The following CSGALNACT1 variants were observed in gnomAD, a reference collection of about 807,000 sequenced individuals.
CSGALNACT1 encodes beta4GalNAcT-1.
Under a neutral mutation model 51.0 loss-of-function variants are expected in CSGALNACT1, and 52 were observed. The ratio of observed to expected loss-of-function variants is 1.02; its 90% CI spans 0.82 to 1.29. CSGALNACT1 has a LOEUF of 1.29. CSGALNACT1 is among the 50% of genes most tolerant of loss of function. The pLI, the probability that CSGALNACT1 is intolerant of heterozygous loss-of-function variation, is 0.00. For missense variants in CSGALNACT1, 935 were observed against 679.2 expected, an observed-to-expected ratio of 1.38 and a Z score of -4.19; for synonymous variants, 341 against 254.4, an observed-to-expected ratio of 1.34 and a Z score of -3.24.
At chr8:19,553,564 T>C (rs1015819497) in intron 3 of CSGALNACT1, among the ~76,000 whole-genome samples, 10 of 148,724 alleles carry the variant, frequency 6.7e-5, no homozygotes, top group Non-Finnish European at 1.2e-4. Context: ...AAACCATTTA[T>C]ATACAAAAAG....
At chr8:19,461,214 G>A (rs1019662380) in intron 4 of CSGALNACT1, among the ~76,000 whole-genome samples, 2 of 152,226 alleles carry the variant, frequency 1.3e-5, no homozygotes, top group African/African-American at 4.8e-5. Flanking sequence ...TCATTTCTTA[G>A]AAAGCTCAAA....
rs188767974 is a variant in CSGALNACT1 at position 19,650,662 on chromosome 8, C to A, written c.-544+31811G>T. 3.3e-5 allele frequency among the ~76,000 whole-genome samples: 5 copies of A among 152,222 alleles called. 1 individual carries two copies. The highest frequency in any genetic ancestry group is 3.3e-4 in the Admixed American group (5 of 15,276). ...GCACAGTGGGGACGCTCCCAGGAGA[C>A]CAGCCATAGCAGACAGTGTGTGTGA... On this transcript the variant is annotated intron_variant, in intron 1 of 9. Coordinates refer to the CSGALNACT1 transcript ENST00000332246.
chr8:19,648,322 A>G (rs2057461111), intron 1 of CSGALNACT1, among the ~76,000 whole-genome samples: 1 of 152,186 alleles, frequency 6.6e-6, no homozygotes, highest in Non-Finnish European at 1.5e-5. Flanking sequence ...TTAGAGGCAA[A>G]CTGTCAAAAA....
intron 4 of CSGALNACT1, among the ~76,000 whole-genome samples, chr8:19,472,301 A>G (rs1051564084): frequency 1.3e-5 from 2 of 152,242 alleles, no homozygotes; most frequent in Non-Finnish European, 2.9e-5. Flanking sequence ...CTTAAGATAC[A>G]GGCAGAAGCA....
At chr8:19,443,332 CTGTT>C (rs2061621126) in intron 5 of CSGALNACT1, among the ~76,000 whole-genome samples, 1 of 152,282 alleles carries the variant, frequency 6.6e-6, no homozygotes, top group South Asian at 2.1e-4. Flanking sequence ...GCGTAAATCA[CTGTT>C]TATGTACACA....
chr8:19,755,581 T>C (rs1275513879), intron 1 of CSGALNACT1, among the ~76,000 whole-genome samples: 1 of 150,964 alleles, frequency 6.6e-6, no homozygotes, highest in African/African-American at 2.4e-5. Context: ...TGAGGAATAC[T>C]ATTGGCATTT....
intron 1 of CSGALNACT1, among the ~76,000 whole-genome samples, chr8:19,649,993 C>A (rs1190111284): frequency 6.6e-6 from 1 of 151,962 alleles, no homozygotes; most frequent in Non-Finnish European, 1.5e-5. Flanking sequence ...TGAGGTAGGG[C>A]CCTATTTCAG....
At chr8:19,414,275 A>G (rs1382922014) in intron 8 of CSGALNACT1, among the ~76,000 whole-genome samples, 3 of 152,206 alleles carry the variant, frequency 2.0e-5, no homozygotes, top group Non-Finnish European at 4.4e-5. Flanking sequence ...TATCTCTGGC[A>G]GAGGGTGAAC....
chr8:19,655,553 T>TATATATGCAC (rs1444518894), intron 1 of CSGALNACT1, among the ~76,000 whole-genome samples: 78 of 11,126 alleles, frequency 7.0e-3, no homozygotes, highest in African/African-American at 0.031. Context: ...TATATGCACA[T>TATATATGCAC]ATATATACAC....
At chr8:19,522,059 C>A (rs542782904) in intron 3 of CSGALNACT1, among the ~76,000 whole-genome samples, 1 of 152,176 alleles carries the variant, frequency 6.6e-6, no homozygotes, top group Non-Finnish European at 1.5e-5. Context: ...TGTTTGGTTT[C>A]TTGAAGCCTT....
chr8:19,740,231 C>T lies in CSGALNACT1; in HGVS notation c.-297+17619G>A, dbSNP rs552677671. Among the ~76,000 whole-genome samples, 44 of 152,334 alleles carry T rather than the reference C, an allele frequency of 2.9e-4. No individual in the cohort carries two copies. In the East Asian group the frequency reaches 3.9e-3, roughly 13 times the overall value. Reference sequence around the variant, plus strand: ...GAAGCACACACAAATCTCTCCAACACGCTTGGCAGCGGGGAGGCCCTATCC... The same window carrying T: ...GAAGCACACACAAATCTCTCCAACATGCTTGGCAGCGGGGAGGCCCTATCC... On this transcript the variant is annotated intron_variant, in intron 1 of 1. Transcript: ENST00000517494.
intron 4 of CSGALNACT1, among the ~76,000 whole-genome samples, chr8:19,475,715 C>A (rs4921650): frequency 0.19 from 28,530 of 152,142 alleles, 2,839 homozygotes; most frequent in Non-Finnish European, 0.2. Context: ...CAGGAACATC[C>A]TTTTTCACAG....
intron 1 of CSGALNACT1, among the ~76,000 whole-genome samples, chr8:19,752,898 T>A (rs1394770890): frequency 6.6e-6 from 1 of 152,226 alleles, no homozygotes; most frequent in Non-Finnish European, 1.5e-5. Context: ...AGCAAACAAT[T>A]ATTTTTGTGC....
At chr8:19,549,606 T>C (rs2087409295) in intron 3 of CSGALNACT1, among the ~76,000 whole-genome samples, 1 of 149,618 alleles carries the variant, frequency 6.7e-6, no homozygotes, top group Non-Finnish European at 1.5e-5. Context: ...CCCTGAAACT[T>C]CCCCTTTTCT....
rs149233588 is a variant in CSGALNACT1, at chr8:19,653,161, C to T, written c.-544+29312G>A. Among the ~76,000 whole-genome samples the T allele has an allele frequency of 8.3e-3, 1,265 of 152,266 alleles. 11 individuals carry two copies. Among genetic ancestry groups the T allele is most frequent in the African/African-American group, 0.026 (1,080 of 41,550 alleles). On this transcript the variant is annotated intron_variant, in intron 1 of 9. Transcript: ENST00000332246. The stretch of plus-strand genomic sequence containing the variant: ...TGGAACCAGTATCCACTCAGTTAAC[C>T]CAACCAGGAGACTTCTGTCCCCTCG...
At chr8:19,447,358 C>G (rs57315156) in intron 5 of CSGALNACT1, among the ~76,000 whole-genome samples, 1 of 152,066 alleles carries the variant, frequency 6.6e-6, no homozygotes, top group Non-Finnish European at 1.5e-5. Context: ...CGTAAATAGG[C>G]TGTGGGGAAG....
intron 1 of CSGALNACT1, among the ~76,000 whole-genome samples, chr8:19,642,758 C>A (rs1449858724): frequency 6.7e-6 from 1 of 149,684 alleles, no homozygotes; most frequent in African/African-American, 2.5e-5. Flanking sequence ...CACTGCACTC[C>A]GGCCTGGGTG....
intron 1 of CSGALNACT1, among the ~76,000 whole-genome samples, chr8:19,675,127 T>C (rs1227654642): frequency 6.6e-6 from 1 of 152,142 alleles, no homozygotes; most frequent in African/African-American, 2.4e-5. Flanking sequence ...CAATAGGGTA[T>C]TTAAAGTCAT....
intron 1 of CSGALNACT1, among the ~76,000 whole-genome samples, chr8:19,749,983 C>A (rs1037488485): frequency 4.7e-4 from 71 of 152,316 alleles, no homozygotes; most frequent in African/African-American, 1.7e-3. Flanking sequence ...CAGAAGCCAT[C>A]CAGCTGGTGC....
Sources: gnomAD v4.1 joint callset for allele counts (sites outside exome capture counted in the v4.1 genomes callset) on GRCh38, gnomAD v4.1.1 for gene constraint, MANE v1.5 for transcripts, NCBI Gene and HGNC (gene_info 2026-07-23, HGNC 2026-07-21) for gene names.